The following PRUNE2 variants were observed in gnomAD, a reference collection of about 807,000 sequenced individuals.
The protein encoded by PRUNE2 is protein prune homolog 2.
Under a neutral mutation model 252.0 loss-of-function variants are expected in PRUNE2, and 164 were observed. The ratio of observed to expected loss-of-function variants is 0.65; its 90% CI spans 0.57 to 0.74. The LOEUF is 0.74. PRUNE2 is among the 30% of genes least tolerant of loss of function. The pLI is 0.00. For missense variants in PRUNE2, 3,495 were observed against 3,711.0 expected (o/e 0.94, Z 1.51); for synonymous variants, 1,292 against 1,350.2 (o/e 0.96, Z 0.94).
intron 9 of PRUNE2, among the ~76,000 whole-genome samples, chr9:76,662,200 C>A (rs2039226889): frequency 6.6e-6 from 1 of 152,158 alleles, no homozygotes; most frequent in Admixed American, 6.5e-5. Flanking sequence ...AAGAAACATG[C>A]TCTTAGGTGA....
intron 15 of PRUNE2, among the ~76,000 whole-genome samples, chr9:76,630,868 A>G: frequency 6.6e-6 from 1 of 152,246 alleles, no homozygotes; most frequent in Non-Finnish European, 1.5e-5. Context: ...TAATTTAAAA[A>G]GTATATCCAA....
chr9:76,898,393 C>A (rs1446438381), intron 1 of PRUNE2, among the ~76,000 whole-genome samples: 1 of 152,172 alleles, frequency 6.6e-6, no homozygotes. Flanking sequence ...CACAGACAAT[C>A]TTTGGACTGT....
intron 6 of PRUNE2, 143 bp from the exon 7 acceptor site, chr9:76,713,864 G>A (rs75197481): frequency 0.018 from 9,614 of 533,970 alleles, 192 homozygotes; most frequent in East Asian, 0.085. Context: ...GCTTTGAGAA[G>A]GAGTGGAAAC....
chr9:76,776,583 C>T lies in PRUNE2; in HGVS notation c.756+47049G>A, dbSNP rs921884536. On this transcript the variant is annotated intron_variant, in intron 6 of 18. Coordinates refer to ENST00000376718, the MANE Select transcript of PRUNE2 (RefSeq NM_015225.3). Reference sequence around the variant, plus strand: ...CAAATTGGAGTGCAGTGCACAATCTCGGCTCACTGCAACATCCGCCTCCCG... The same window carrying T: ...CAAATTGGAGTGCAGTGCACAATCTTGGCTCACTGCAACATCCGCCTCCCG... Among the ~76,000 whole-genome samples the T allele has an allele frequency of 8.9e-4, 118 of 133,218 alleles. 2 individuals are homozygous for T. Among genetic ancestry groups the T allele is most frequent in the Non-Finnish European group, 1.6e-3 (107 of 65,726 alleles). The allele number at this position is 133,218 out of a possible 152,430, so 87.4% of individuals were successfully genotyped here. A position where few individuals can be genotyped will look rare whatever the true frequency, so the allele number is the denominator to read the frequency against.
rs951938330 is a variant in PRUNE2 at position 76,791,566 on chromosome 9, C to T, written c.756+32066G>A. ...TATCATTGGTACAATAATACTGCAC[C>T]AATTATCATTGGTACAATAATACTG... On this transcript the variant is annotated intron_variant, in intron 6 of 18. Coordinates refer to ENST00000376718, the MANE Select transcript of PRUNE2 (RefSeq NM_015225.3). 3.8e-5 allele frequency among the ~76,000 whole-genome samples: 5 copies of T among 130,388 alleles called. No homozygotes were observed. In the Admixed American group the frequency reaches 3.9e-4, roughly 10 times the overall value. The allele number at this position is 130,388 out of a possible 152,430, so 85.5% of individuals were successfully genotyped here.
chr9:76,872,412 G>T (rs1303945926), intron 1 of PRUNE2, among the ~76,000 whole-genome samples: 9 of 152,100 alleles, frequency 5.9e-5, no homozygotes, highest in Non-Finnish European at 1.5e-5. Flanking sequence ...AACAATGTGG[G>T]GGCGCAGTGG....
chr9:76,847,052 C>T (rs1279866881), intron 3 of PRUNE2, among the ~76,000 whole-genome samples: 2 of 152,106 alleles, frequency 1.3e-5, no homozygotes, highest in Admixed American at 1.3e-4. Flanking sequence ...ACAGGCTGGG[C>T]GCGGTGGCTC....
chr9:76,887,992 A>C (rs866947353), intron 1 of PRUNE2, among the ~76,000 whole-genome samples: 9 of 152,200 alleles, frequency 5.9e-5, no homozygotes, highest in Non-Finnish European at 2.9e-5. Flanking sequence ...CCACTATGTT[A>C]AGAGAAACAG....
intron 9 of PRUNE2, among the ~76,000 whole-genome samples, chr9:76,665,368 C>T (rs2039933222): frequency 6.6e-6 from 1 of 152,174 alleles, no homozygotes; most frequent in Non-Finnish European, 1.5e-5. Context: ...ACCTCACCTC[C>T]ACCCCACAGA....
At chr9:76,883,769 G>T (rs1180123399) in intron 1 of PRUNE2, among the ~76,000 whole-genome samples, 1 of 152,070 alleles carries the variant, frequency 6.6e-6, no homozygotes, top group African/African-American at 2.4e-5. Flanking sequence ...GACAAAAGTG[G>T]CCCCACCCTT....
chr9:76,706,960 A>C lies in PRUNE2; in HGVS notation c.5314T>G (p.Leu1772Val). 6.2e-7 allele frequency: 1 copy of C among 1,613,844 alleles called. No homozygotes were observed. Among genetic ancestry groups the C allele is most frequent in the African/African-American group, 1.3e-5 (1 of 75,020 alleles). Residue 1772 changes from leucine to valine, a missense_variant, in exon 8 of 19, where the codon TTA (leucine) becomes GTA (valine). By Grantham distance (32) the Leu-to-Val change is conservative (BLOSUM62 1). Transcript: ENST00000376718. Reference sequence around the variant, plus strand: ...GTAATCTGCATTTCAGTCTCCGTTAATGGTGAGAAAGTCCAGGGATCAGGG... The same window carrying C: ...GTAATCTGCATTTCAGTCTCCGTTACTGGTGAGAAAGTCCAGGGATCAGGG... The part of the protein sequence containing the change: ...SSPDPWTFSP[L>V]TETEMQITAV...
intron 6 of PRUNE2, among the ~76,000 whole-genome samples, chr9:76,817,125 C>A (rs959285648): frequency 1.4e-4 from 22 of 151,960 alleles, no homozygotes; most frequent in African/African-American, 5.3e-4. Context: ...AGAATGCTAA[C>A]CAAGGATTGC....
chr9:76,681,062 C>T (rs141364221), intron 9 of PRUNE2, among the ~76,000 whole-genome samples: 30 of 151,966 alleles, frequency 2.0e-4, no homozygotes, highest in Non-Finnish European at 3.5e-4. Flanking sequence ...TATGCATACA[C>T]GAAATATTAT....
intron 12 of PRUNE2, among the ~76,000 whole-genome samples, chr9:76,638,603 CA>C (rs368496465): frequency 0.029 from 4,370 of 151,992 alleles, 227 homozygotes; most frequent in African/African-American, 0.1. Context: ...TTCGACATCA[CA>C]AAAAAATGAG....
At chr9:76,880,007 G>A (rs575590656) in intron 1 of PRUNE2, among the ~76,000 whole-genome samples, 96 of 141,860 alleles carry the variant, frequency 6.8e-4, no homozygotes, top group Middle Eastern at 8.3e-3. Context: ...TCCGCCTCTG[G>A]TGTTCATGCC....
chr9:76,718,008 C>T (rs922697308), intron 6 of PRUNE2, among the ~76,000 whole-genome samples: 1 of 151,438 alleles, frequency 6.6e-6, no homozygotes, highest in Admixed American at 6.6e-5. Flanking sequence ...GGTGTAGGTC[C>T]CAAGAATCCT....
At chr9:76,718,875 G>A (rs898617122) in intron 6 of PRUNE2, among the ~76,000 whole-genome samples, 40 of 152,050 alleles carry the variant, frequency 2.6e-4, no homozygotes, top group Admixed American at 3.3e-4. Flanking sequence ...CCAGTTATTC[G>A]AACCCAACAT....
At chr9:76,877,625 C>T (rs1463177301) in intron 1 of PRUNE2, among the ~76,000 whole-genome samples, 2 of 152,170 alleles carry the variant, frequency 1.3e-5, no homozygotes, top group East Asian at 3.8e-4. Context: ...AGTGATCCCC[C>T]CAGCTGCTGA....
chr9:76,763,700 T>TGGGGAGGAGAATGGTATGGCAGTGA, intron 6 of PRUNE2, among the ~76,000 whole-genome samples: 1 of 151,936 alleles, frequency 6.6e-6, no homozygotes, highest in Admixed American at 6.6e-5. Context: ...GAAGAGCAGG[T>TGGGGAGGAGAATGGTATGGCAGTGA]GGGGAGGAGA....
Sources: gnomAD v4.1 joint callset for allele counts (sites outside exome capture counted in the v4.1 genomes callset) on GRCh38, gnomAD v4.1.1 for gene constraint, MANE v1.5 for transcripts, NCBI Gene and HGNC (gene_info 2026-07-23, HGNC 2026-07-21) for gene names.